Variants in ERBB4 observed in about 807,000 individuals in gnomAD.
ERBB4 encodes the protein erb-b2 receptor tyrosine kinase 4, also known as receptor tyrosine-protein kinase erbB-4.
Under a neutral mutation model 158.0 loss-of-function variants are expected in ERBB4, and 42 were observed. The observed-to-expected ratio is 0.27, with a 90% CI of 0.21 to 0.34. The LOEUF (loss-of-function observed/expected upper bound fraction) is 0.34, where lower values mean the gene tolerates loss of function less well. Among genes scored for constraint, ERBB4 ranks in the 10% least tolerant of loss-of-function variants. The pLI, the probability that ERBB4 is intolerant of heterozygous loss-of-function variation, is 1.00. For missense variants in ERBB4, 1,333 were observed against 1,624.1 expected (o/e 0.82, Z 3.08); for synonymous variants, 583 against 558.7 (o/e 1.04, Z -0.61).
intron 3 of ERBB4, among the ~76,000 whole-genome samples, chr2:211,790,448 T>C (rs773904717): frequency 3.3e-5 from 5 of 152,078 alleles, no homozygotes; most frequent in African/African-American, 4.8e-5. Flanking sequence ...CTATCTAAAA[T>C]TTTTCAAATA....
chr2:211,516,211 C>T (rs745462243), intron 20 of ERBB4, among the ~76,000 whole-genome samples: 78 of 151,852 alleles, frequency 5.1e-4, no homozygotes, highest in Non-Finnish European at 9.7e-4. Context: ...CCACTGCGCC[C>T]GGCCAACATT....
intron 3 of ERBB4, among the ~76,000 whole-genome samples, chr2:211,839,152 A>AGAG (rs1553642901): frequency 9.0e-6 from 1 of 110,850 alleles, no homozygotes; most frequent in Admixed American, 9.9e-5. Flanking sequence ...GGAGAGAGAG[A>AGAG]AGGAGGAGGA....
At chr2:212,319,239 C>CTAATTTTATAGATGAGTAAATTATGAATT (rs768100055) in intron 1 of ERBB4, among the ~76,000 whole-genome samples, 25 of 150,962 alleles carry the variant, frequency 1.7e-4, no homozygotes, top group South Asian at 1.0e-3. Flanking sequence ...TTTCATACAT[C>CTAATTTTATAGATGAGTAAATTATGAATT]ACAGCCTTCA....
At chr2:211,549,267 T>C (rs531617153) in intron 20 of ERBB4, among the ~76,000 whole-genome samples, 50 of 152,060 alleles carry the variant, frequency 3.3e-4, no homozygotes, top group Non-Finnish European at 6.6e-4. Context: ...AATTGACTTA[T>C]TTCTAGCAAT....
chr2:212,245,870 T>C (rs1255428861), intron 1 of ERBB4, among the ~76,000 whole-genome samples: 3 of 152,120 alleles, frequency 2.0e-5, no homozygotes, highest in Non-Finnish European at 4.4e-5. Flanking sequence ...CTTCTCACTA[T>C]TTACAAAAGG....
intron 19 of ERBB4, among the ~76,000 whole-genome samples, chr2:211,616,839 G>C (rs751505377): frequency 5.9e-5 from 9 of 152,134 alleles, no homozygotes; most frequent in African/African-American, 1.2e-4. Flanking sequence ...AAAAGGCACA[G>C]TCAAAATATT....
intron 2 of ERBB4, among the ~76,000 whole-genome samples, chr2:211,970,775 C>T (rs2081430858): frequency 6.6e-6 from 1 of 152,158 alleles, no homozygotes; most frequent in Non-Finnish European, 1.5e-5. Flanking sequence ...TGTGTCATAG[C>T]ATGTGAGATG....
chr2:211,387,427 C>T (rs2125321491), intron 26 of ERBB4, among the ~76,000 whole-genome samples: 1 of 152,192 alleles, frequency 6.6e-6, no homozygotes, highest in Non-Finnish European at 1.5e-5. Context: ...ATTTGATGCC[C>T]TTTTCCCACA....
At position 211,961,499 on chromosome 2, in the gene ERBB4, G is replaced by A. The variant is rs572692793; in HGVS notation, c.235-13883C>T. 3.3e-5 allele frequency among the ~76,000 whole-genome samples: 5 copies of A among 152,274 alleles called. No homozygotes were observed. In the East Asian group the frequency reaches 7.7e-4, roughly 24 times the overall value. ...AAACATGAAGCTCATGCTGACTGCT[G>A]TGCCATTGAGTCTTGTGTCTTCTTC... On this transcript the variant is annotated intron_variant, in intron 2 of 27. Transcript: ENST00000342788.
chr2:212,427,929 GCTTCA>G, intron 1 of ERBB4, among the ~76,000 whole-genome samples: 1 of 152,144 alleles, frequency 6.6e-6, no homozygotes, highest in Non-Finnish European at 1.5e-5. Context: ...AATTCTGCAA[GCTTCA>G]CTTGCATAGA....
At chr2:212,460,461 G>A (rs1316218327) in intron 1 of ERBB4, among the ~76,000 whole-genome samples, 6 of 152,160 alleles carry the variant, frequency 3.9e-5, no homozygotes, top group Non-Finnish European at 7.3e-5. Context: ...GAATAATAAG[G>A]TCCAGGCTGA....
At chr2:211,528,104 G>T (rs1574677341) in intron 20 of ERBB4, among the ~76,000 whole-genome samples, 1 of 151,876 alleles carries the variant, frequency 6.6e-6, no homozygotes, top group East Asian at 1.9e-4. Context: ...TCTCTTGCCT[G>T]CAAGAAACAC....
intron 1 of ERBB4, among the ~76,000 whole-genome samples, chr2:212,278,578 C>T (rs560431085): frequency 6.6e-5 from 10 of 151,650 alleles, no homozygotes; most frequent in South Asian, 6.2e-4. Flanking sequence ...ACTTCTTCAC[C>T]ATTGTGTACT....
At chr2:212,475,347 C>A (rs992268853) in intron 1 of ERBB4, among the ~76,000 whole-genome samples, 1 of 152,112 alleles carries the variant, frequency 6.6e-6, no homozygotes, top group Non-Finnish European at 1.5e-5. Context: ...AATTACAGAG[C>A]CAGTCCCGTC....
intron 1 of ERBB4, among the ~76,000 whole-genome samples, chr2:212,451,533 G>T (rs2092446074): frequency 6.6e-6 from 1 of 152,118 alleles, no homozygotes; most frequent in East Asian, 1.9e-4. Context: ...TCAGTAAGTT[G>T]CTGTGGATTA....
In ERBB4 at chr2:211,444,223, T is replaced by C. The variant is rs895318490; in HGVS notation, c.2488-13123A>G. ...GATAAGAAAAACATTCTCATAGTAA[T>C]ATAATTAGGAAGAATTAAAAAAATC... On this transcript the variant is annotated intron_variant, in intron 20 of 27. Transcript: ENST00000342788. Among the ~76,000 whole-genome samples the C allele has an allele frequency of 4.2e-5, 4 of 95,724 alleles. No individual in the cohort carries two copies. In the Admixed American group the frequency reaches 4.5e-4, roughly 11 times the overall value. 62.8% of individuals were successfully genotyped at this position (95,724 alleles called of 152,430 possible). A position where few individuals can be genotyped will look rare whatever the true frequency, so the allele number is the denominator to read the frequency against.
At chr2:211,443,680 C>T (rs542130490) in intron 20 of ERBB4, among the ~76,000 whole-genome samples, 2 of 152,042 alleles carry the variant, frequency 1.3e-5, no homozygotes, top group African/African-American at 4.8e-5. Context: ...TGGGACAAGA[C>T]TTCCCAAACT....
At chr2:211,443,405 T>C (rs1185396268) in intron 20 of ERBB4, among the ~76,000 whole-genome samples, 1 of 152,056 alleles carries the variant, frequency 6.6e-6, no homozygotes, top group Non-Finnish European at 1.5e-5. Context: ...GGAATACTAT[T>C]TGGGCTTTGG....
chr2:211,501,075 G>C (rs1054287999), intron 20 of ERBB4, among the ~76,000 whole-genome samples: 1 of 151,518 alleles, frequency 6.6e-6, no homozygotes, highest in Non-Finnish European at 1.5e-5. Context: ...ATTTACAAGA[G>C]GCTGACTATA....
Sources: gnomAD v4.1 joint callset for allele counts (sites outside exome capture counted in the v4.1 genomes callset) on GRCh38, gnomAD v4.1.1 for gene constraint, MANE v1.5 for transcripts, NCBI Gene and HGNC (gene_info 2026-07-23, HGNC 2026-07-21) for gene names.